The following SEC16B variants were observed in gnomAD, a reference collection of about 807,000 sequenced individuals.
SEC16B encodes the protein protein transport protein Sec16B.
Under a neutral mutation model 141.8 loss-of-function variants are expected in SEC16B, and 115 were observed. The ratio of observed to expected loss-of-function variants is 0.81; its 90% CI spans 0.70 to 0.95. The LOEUF (loss-of-function observed/expected upper bound fraction) is 0.95, where lower values mean the gene tolerates loss of function less well. SEC16B is among the 40% of genes least tolerant of loss of function. The pLI, the probability that SEC16B is intolerant of heterozygous loss-of-function variation, is 0.00. For synonymous variants in SEC16B, 493 were observed against 492.5 expected, an observed-to-expected ratio of 1.00 and a Z score of -0.01; for missense variants, 1,291 against 1,312.3, an observed-to-expected ratio of 0.98 and a Z score of 0.25.
At chr1:177,974,362 G>A (rs955970287), upstream of SEC16B, among the ~76,000 whole-genome samples, 3 of 152,164 alleles carry the variant, frequency 2.0e-5, no homozygotes, top group African/African-American at 7.2e-5. Flanking sequence ...TCTGAGGAAG[G>A]AGCTCTGAGG....
intron 7 of SEC16B, 52 bp from the exon 8 acceptor site, chr1:177,960,455 C>T: frequency 3.1e-6 from 4 of 1,281,018 alleles, no homozygotes; most frequent in Middle Eastern, 1.8e-4. Context: ...ACCCTAGGCC[C>T]CTTTCAGTCA....
At chr1:177,948,178 T>A (rs1487489413) in intron 12 of SEC16B, among the ~76,000 whole-genome samples, 3 of 152,150 alleles carry the variant, frequency 2.0e-5, no homozygotes, top group Non-Finnish European at 2.9e-5. Context: ...TTCACAGGGA[T>A]ATTGGAAAAT....
rs377253974 is a variant in SEC16B, at chr1:177,964,183, G to T, written c.630C>A (p.Ala210=). Residue 210 remains alanine (A), a synonymous_variant, in exon 5 of 26, where the codon GCC becomes GCA. Coordinates refer to ENST00000308284, the MANE Select transcript of SEC16B (RefSeq NM_033127.4). ...ELFPGSLLAE[A]QKNKPSLASE... is the part of the protein sequence containing the mutation. The stretch of plus-strand genomic sequence containing the variant: ...CACTTTAGGTTACCTTATTTTTCTG[G>T]GCCTCAGCAAGCAGGCTCCCTGGAA... The T allele has an allele frequency of 1.9e-6, 3 of 1,612,218 alleles. No individual in the cohort carries two copies. The highest frequency in any genetic ancestry group is 1.3e-5 in the African/African-American group (1 of 74,924).
chr1:177,930,702 C>G (rs561954343), intron 24 of SEC16B, 59 bp from the exon 25 acceptor site: 1 of 1,270,232 alleles, frequency 7.9e-7, no homozygotes, highest in African/African-American at 1.5e-5. Context: ...TCCAGAATGT[C>G]GAGGCCTTCA....
At chr1:177,966,621 A>T (rs1046632810) in intron 2 of SEC16B, among the ~76,000 whole-genome samples, 3 of 152,096 alleles carry the variant, frequency 2.0e-5, no homozygotes, top group Non-Finnish European at 4.4e-5. Context: ...GCTGGAGTGC[A>T]GTGGCGTGAT....
chr1:177,936,722 G>A (rs1367369918), intron 19 of SEC16B, among the ~76,000 whole-genome samples: 1 of 152,106 alleles, frequency 6.6e-6, no homozygotes, highest in African/African-American at 2.4e-5. Flanking sequence ...CATTCTAGAT[G>A]GCTTCCACCA....
At chr1:177,977,657 C>T (rs1186099482) in intron 1 of SEC16B, among the ~76,000 whole-genome samples, 2 of 152,096 alleles carry the variant, frequency 1.3e-5, no homozygotes, top group Admixed American at 6.6e-5. Flanking sequence ...GGTAGACAGC[C>T]CCCATACCAC....
chr1:177,982,097 A>C (rs1399200803), intron 1 of SEC16B, among the ~76,000 whole-genome samples: 1 of 152,182 alleles, frequency 6.6e-6, no homozygotes, highest in Non-Finnish European at 1.5e-5. Context: ...GCTGTCAAGA[A>C]AGGCATAAAG....
At chr1:177,934,433 TAG>T (rs1219776308) in intron 20 of SEC16B, among the ~76,000 whole-genome samples, 1 of 152,192 alleles carries the variant, frequency 6.6e-6, no homozygotes, top group Non-Finnish European at 1.5e-5. Context: ...TTACTCTCAA[TAG>T]AGCACAATTG....
At chr1:177,961,434 A>T in intron 6 of SEC16B, 156 bp downstream of exon 6, 1 of 682,806 alleles carries the variant, frequency 1.5e-6, no homozygotes, top group Non-Finnish European at 2.4e-6. Context: ...GCAAAAAGAG[A>T]GAAAATGGAA....
chr1:177,932,670 T>G, intron 23 of SEC16B, 28 bp downstream of exon 23: 1 of 1,542,082 alleles, frequency 6.5e-7, no homozygotes, highest in Non-Finnish European at 8.7e-7. Flanking sequence ...GGACCACCCA[T>G]GGCCCAGAGG....
At chr1:177,946,559 T>TCACGGAG in intron 13 of SEC16B, 28 bp from the exon 14 acceptor site, 1 of 1,521,840 alleles carries the variant, frequency 6.6e-7, no homozygotes, top group Non-Finnish European at 8.9e-7. Context: ...CAAGACCCAA[T>TCACGGAG]CACGGAGCAC....
At chr1:177,983,893 T>C (rs1353548712) in intron 1 of SEC16B, among the ~76,000 whole-genome samples, 1 of 152,188 alleles carries the variant, frequency 6.6e-6, no homozygotes, top group East Asian at 1.9e-4. Context: ...CACGTGTTCT[T>C]TTGCACATTA....
At chr1:177,946,278 C>T (rs572015513) in intron 14 of SEC16B, 142 bp downstream of exon 14, 1 of 742,234 alleles carries the variant, frequency 1.3e-6, no homozygotes, top group East Asian at 2.7e-5. Flanking sequence ...CAGACCTGCA[C>T]AGATAACAAT....
intron 16 of SEC16B, among the ~76,000 whole-genome samples, chr1:177,941,222 G>T (rs550366086): frequency 6.6e-6 from 1 of 152,282 alleles, no homozygotes; most frequent in Non-Finnish European, 1.5e-5. Context: ...AATTCATTCT[G>T]GATCCCTGAG....
intron 10 of SEC16B, among the ~76,000 whole-genome samples, chr1:177,954,894 A>G (rs1048934611): frequency 6.6e-6 from 1 of 152,220 alleles, no homozygotes; most frequent in African/African-American, 2.4e-5. Context: ...AAAAAATAAA[A>G]GCGTCATATA....
chr1:177,958,562 A>G, intron 9 of SEC16B, 200 bp from the exon 10 acceptor site: 1 of 612,302 alleles, frequency 1.6e-6, no homozygotes, highest in Non-Finnish European at 2.8e-6. Context: ...GTCAGGAGCC[A>G]TAAAGCTTAC....
rs191139047 is a variant in SEC16B, at chr1:177,932,555, G to C, written c.2947C>G (p.Arg983Gly). Reference sequence around the variant, plus strand: ...GCTCCCCCGCTGGATGCGGATCCTCGGCCTTCACCCCCACCTGGAAAGTAA... The same window carrying C: ...GCTCCCCCGCTGGATGCGGATCCTCCGCCTTCACCCCCACCTGGAAAGTAA... ...FSRGRGGGEG[R>G]GSASSGGAAA... Residue 983 changes from arginine (R) to glycine (G), a missense_variant, in exon 24 of 26, where the codon CGA (arginine) becomes GGA (glycine). This residue lies in a region of SEC16B where 605 missense variants were observed against 614.1 expected (regional missense o/e 0.99). Coordinates refer to ENST00000308284, the MANE Select transcript of SEC16B (RefSeq NM_033127.4). The C allele has an allele frequency of 3.8e-6, 6 of 1,559,716 alleles. No individual in the cohort carries two copies. The highest frequency in any genetic ancestry group is 3.8e-5 in the Admixed American group (2 of 52,654).
chr1:177,935,199 T>C (rs1383268425), intron 20 of SEC16B, among the ~76,000 whole-genome samples: 4 of 152,112 alleles, frequency 2.6e-5, no homozygotes, highest in Non-Finnish European at 5.9e-5. Context: ...CTGGCGCGTA[T>C]AGTTGTCTAT....
Sources: gnomAD v4.1 joint callset for allele counts (sites outside exome capture counted in the v4.1 genomes callset) on GRCh38, gnomAD v4.1.1 for gene constraint, gnomAD v4.1.1 regional missense constraint, MANE v1.5 for transcripts, NCBI Gene and HGNC (gene_info 2026-07-23, HGNC 2026-07-21) for gene names.